The following FAM228B variants were observed in gnomAD, a reference collection of about 807,000 sequenced individuals.
The protein encoded by FAM228B is family with sequence similarity 228 member B, also known as protein FAM228B.
In FAM228B, 38 loss-of-function variants were observed where a neutral mutation model predicts 42.6. The ratio of observed to expected loss-of-function variants is 0.89; its 90% CI spans 0.69 to 1.17. The LOEUF is 1.17. Ranked by LOEUF, FAM228B falls within the 50% of genes most tolerant of loss-of-function variation. The pLI is 0.00. For missense variants in FAM228B, 344 were observed against 367.3 expected (o/e 0.94, Z 0.52); for synonymous variants, 109 against 122.3 (o/e 0.89, Z 0.72).
rs1170550378 is a variant in FAM228B at position 24,077,203 on chromosome 2, G to GC, written c.-290+235dup. Among the ~76,000 whole-genome samples, 1 of 151,994 alleles carries GC rather than the reference G, an allele frequency of 6.6e-6. No homozygotes were observed. Among genetic ancestry groups the GC allele is most frequent in the Non-Finnish European group, 1.5e-5 (1 of 67,984 alleles). On this transcript the variant is annotated intron_variant, in intron 1 of 10. Transcript: ENST00000613899. The surrounding 1 kb of genome is among the most constrained non-coding windows in gnomAD (Gnocchi z 5.5). The stretch of plus-strand genomic sequence containing the variant: ...TGCCCACTGGTTGCGGGGCGCGCGG[G>GC]CAGGTGCCGGAGGTGGTGGGCCTGG...
At position 24,139,426 on chromosome 2, in the gene FAM228B, C is replaced by G; in HGVS notation, c.417C>G (p.Ser139Arg). The G allele has an allele frequency of 6.5e-7, 1 of 1,546,296 alleles. No homozygotes were observed. Among genetic ancestry groups the G allele is most frequent in the Non-Finnish European group, 8.8e-7 (1 of 1,142,778 alleles). ...AAGAGTATGATCCCTTTTATATGAGCAAGAAGGACCCCAATTTTCTGAAGG... is the reference window on the plus strand; with the variant it reads ...AAGAGTATGATCCCTTTTATATGAGGAAGAAGGACCCCAATTTTCTGAAGG... ...DPKEYDPFYM[S>R]KKDPNFLKVT... The change falls in exon 5 of 11, where the codon AGC (serine) becomes AGG (arginine). Residue 139 changes from serine (S) to arginine (R), a missense_variant. By Grantham distance (110) the Ser-to-Arg change is moderately radical (BLOSUM62 -1). Coordinates refer to ENST00000615575, the MANE Select transcript of FAM228B (RefSeq NM_001145710.2).
At chr2:24,112,119 G>A (rs766078264) in intron 3 of FAM228B, among the ~76,000 whole-genome samples, 2 of 152,028 alleles carry the variant, frequency 1.3e-5, no homozygotes. Flanking sequence ...GATATGCAGC[G>A]ATTTAAAATG....
intron 2 of FAM228B, among the ~76,000 whole-genome samples, chr2:24,133,479 TCTGTC>T (rs1666504264): frequency 6.6e-6 from 1 of 152,212 alleles, no homozygotes; most frequent in Admixed American, 6.5e-5. Flanking sequence ...ATTTTACTCA[TCTGTC>T]CTGGAAATAA....
upstream of FAM228B, chr2:24,122,751 C>A: frequency 2.2e-6 from 1 of 451,460 alleles, no homozygotes; most frequent in South Asian, 4.6e-5. Flanking sequence ...TCACAGCTCA[C>A]ACAGAATAGG....
In FAM228B at chr2:24,124,478, T is replaced by C; in HGVS notation, c.99+18T>C. On this transcript the variant is annotated intron_variant, in intron 2 of 10. Transcript: ENST00000615575. The stretch of plus-strand genomic sequence containing the variant: ...TTATGGAGGTATATATCAAATAGTG[T>C]GGGATTTGGAGATTTTTTTACTTGG... The C allele has an allele frequency of 6.7e-7, 1 of 1,491,608 alleles. No individual in the cohort carries two copies. The highest frequency in any genetic ancestry group is 9.0e-7 in the Non-Finnish European group (1 of 1,109,550). The allele number at this position is 1,491,608 out of a possible 1,614,324, so 92.4% of individuals were successfully genotyped here.
chr2:24,086,460 TA>T (rs886360723), intron 2 of FAM228B, among the ~76,000 whole-genome samples: 5 of 151,808 alleles, frequency 3.3e-5, no homozygotes, highest in Admixed American at 2.6e-4. Context: ...CACAATTGGT[TA>T]AAAAAAATGG....
intron 2 of FAM228B, among the ~76,000 whole-genome samples, chr2:24,087,597 C>T (rs1056070482): frequency 1.3e-5 from 2 of 151,848 alleles, no homozygotes; most frequent in Admixed American, 6.6e-5. Flanking sequence ...GGAGATTACA[C>T]GCTATAAGAA....
chr2:24,084,234 G>A lies in FAM228B; in HGVS notation c.-210+3279G>A. 6.2e-7 allele frequency: 1 copy of A among 1,614,004 alleles called. No homozygotes were observed. The highest frequency in any genetic ancestry group is 1.1e-5 in the South Asian group (1 of 91,078). The stretch of plus-strand genomic sequence containing the variant: ...TCAGGGCGCTGGCCGCCACCTTCAG[G>A]AGGACTTCACCCTCCCCCGGGCTCG... On this transcript the variant is annotated intron_variant, in intron 2 of 10. Transcript: ENST00000613899. The surrounding 1 kb of genome is among the most constrained non-coding windows in gnomAD (Gnocchi z 8.4).
chr2:24,160,131 A>G (rs1226803901), intron 7 of FAM228B, among the ~76,000 whole-genome samples: 3 of 151,894 alleles, frequency 2.0e-5, no homozygotes, highest in African/African-American at 4.8e-5. Flanking sequence ...ATGGGACTAC[A>G]GGCATGCACC....
chr2:24,098,898 A>C (rs1402812876), intron 3 of FAM228B, among the ~76,000 whole-genome samples: 2 of 152,244 alleles, frequency 1.3e-5, no homozygotes, highest in African/African-American at 2.4e-5. Context: ...ATACTGGCAA[A>C]CCAAATCCAG....
rs141340933 is a variant in FAM228B, at chr2:24,103,322, C to T, written c.-121+8093C>T. Among the ~76,000 whole-genome samples, 641 of 152,262 alleles carry T rather than the reference C, an allele frequency of 4.2e-3. 2 individuals are homozygous for T. The highest frequency in any genetic ancestry group is 0.015 in the African/African-American group (608 of 41,540). On this transcript the variant is annotated intron_variant, in intron 3 of 10. Transcript: ENST00000613899. ...ACAGCAGATCTTTTTCAGGAAAGTA[C>T]GTATGGAAGTTGAGAACCTGGGAAA...
At chr2:24,122,593 T>A, upstream of FAM228B, 1 of 1,176,860 alleles carries the variant, frequency 8.5e-7, no homozygotes, top group Non-Finnish European at 1.3e-6. Flanking sequence ...GGCTAGCTTT[T>A]AAAAGGCATG....
chr2:24,090,502 C>T (rs1665366559), intron 2 of FAM228B, among the ~76,000 whole-genome samples: 1 of 140,460 alleles, frequency 7.1e-6, no homozygotes, highest in Non-Finnish European at 1.5e-5. Context: ...GAGGAGGTTG[C>T]AGTGAGCTGT....
chr2:24,140,732 C>T (rs1377932089), intron 5 of FAM228B, among the ~76,000 whole-genome samples: 16 of 151,734 alleles, frequency 1.1e-4, no homozygotes, highest in South Asian at 4.2e-4. Flanking sequence ...GAGGCCAAGG[C>T]GGGTGGATCA....
chr2:24,164,557 G>T (rs1029897548), intron 9 of FAM228B, among the ~76,000 whole-genome samples: 2 of 8,466 alleles, frequency 2.4e-4, no homozygotes, highest in African/African-American at 2.9e-4. Context: ...GGTGCCCCCT[G>T]GTGGAGCCAC....
intron 5 of FAM228B, among the ~76,000 whole-genome samples, chr2:24,141,435 G>A (rs1028417741): frequency 3.9e-5 from 6 of 152,082 alleles, no homozygotes; most frequent in Admixed American, 2.0e-4. Flanking sequence ...TAGTAGAGAC[G>A]GGGTTTCACC....
At chr2:24,132,035 A>G (rs918808825) in intron 2 of FAM228B, among the ~76,000 whole-genome samples, 2 of 152,326 alleles carry the variant, frequency 1.3e-5, no homozygotes, top group South Asian at 2.1e-4. Context: ...AGTTTTTAAC[A>G]TGAAGGGATG....
chr2:24,147,073 T>G lies in FAM228B; in HGVS notation c.673T>G (p.Cys225Gly). The change falls in exon 7 of 11, where the codon TGT becomes GGT. Residue 225 changes from cysteine to glycine, a missense_variant. By Grantham distance (159) the Cys-to-Gly change is radical. Coordinates refer to ENST00000615575, the MANE Select transcript of FAM228B (RefSeq NM_001145710.2). ...TACAAGATACATAGAAAGTGAATTT[T>G]GTAGAAGGAGAAGGTAATGGTTAAT... ...LPTRYIESEFCRRRRLKVKVN... is the reference protein window; with the variant it reads ...LPTRYIESEFGRRRRLKVKVN... The G allele has an allele frequency of 6.5e-7, 1 of 1,550,378 alleles. No homozygotes were observed. The highest frequency in any genetic ancestry group is 8.7e-7 in the Non-Finnish European group (1 of 1,146,250).
intron 2 of FAM228B, among the ~76,000 whole-genome samples, chr2:24,134,081 CTTTTA>C (rs1270580921): frequency 6.6e-6 from 1 of 151,836 alleles, no homozygotes; most frequent in Non-Finnish European, 1.5e-5. Flanking sequence ...AATATGTTTC[CTTTTA>C]TTTTAATAAG....
Sources: gnomAD v4.1 joint callset for allele counts (sites outside exome capture counted in the v4.1 genomes callset) on GRCh38, gnomAD v4.1.1 for gene constraint, Gnocchi (gnomAD v3.1) non-coding constraint, MANE v1.5 for transcripts, NCBI Gene and HGNC (gene_info 2026-07-23, HGNC 2026-07-21) for gene names.